Variants in SMG6 observed in about 807,000 individuals in gnomAD.
The protein encoded by SMG6 is SMG6 nonsense mediated mRNA decay factor.
A neutral mutation model predicts 142.2 loss-of-function variants in SMG6; 66 were observed. That is an observed-to-expected ratio of 0.46 (90% CI 0.38 to 0.57). The LOEUF (loss-of-function observed/expected upper bound fraction) is 0.57. Among genes scored for constraint, SMG6 ranks in the 20% least tolerant of loss-of-function variants. The pLI is 0.00. For synonymous variants in SMG6, 779 were observed against 702.4 expected (o/e 1.11, Z -1.72); for missense variants, 1,793 against 1,832.0 (o/e 0.98, Z 0.39).
chr17:2,133,480 C>T (rs2070191324), intron 13 of SMG6, among the ~76,000 whole-genome samples: 1 of 152,138 alleles, frequency 6.6e-6, no homozygotes, highest in Non-Finnish European at 1.5e-5. Context: ...TAGTTACCTC[C>T]CAATCCAGTC....
rs771359614 is a variant in SMG6, at chr17:2,068,941, CAG to C, written c.3682-12_3682-11del. 4.3e-6 allele frequency: 7 copies of C among 1,613,300 alleles called. No homozygotes were observed. Among genetic ancestry groups the C allele is most frequent in the Admixed American group, 1.7e-5 (1 of 59,970 alleles). ...GGTCCTCCAGGACAGCCTATGGGGACAGAGTGGTGAATGAGCCAGACAGCGAG... is the reference window on the plus strand; with the variant it reads ...GGTCCTCCAGGACAGCCTATGGGGACAGTGGTGAATGAGCCAGACAGCGAG... On this transcript the variant is annotated splice_polypyrimidine_tract_variant and intron_variant, in intron 15 of 18. Coordinates refer to ENST00000263073, the MANE Select transcript of SMG6 (RefSeq NM_017575.5). The surrounding 1 kb of genome is among the most constrained non-coding windows in gnomAD (Gnocchi z 6.7).
chr17:2,111,280 G>A (rs2069308566), intron 13 of SMG6, among the ~76,000 whole-genome samples: 1 of 152,172 alleles, frequency 6.6e-6, no homozygotes, highest in Admixed American at 6.5e-5. Context: ...GGGTAAGGGA[G>A]ACAGAGAGCG....
intron 15 of SMG6, among the ~76,000 whole-genome samples, chr17:2,075,170 C>G (rs1236506927): frequency 6.6e-6 from 1 of 152,212 alleles, no homozygotes; most frequent in Non-Finnish European, 1.5e-5. Context: ...AGCTTCCATA[C>G]AGGTGTGGGG....
chr17:2,289,140 T>C (rs1263419834), intron 6 of SMG6, among the ~76,000 whole-genome samples: 1 of 150,580 alleles, frequency 6.6e-6, no homozygotes. Flanking sequence ...GTTGCATCTA[T>C]TTGGGGGGCT....
intron 13 of SMG6, among the ~76,000 whole-genome samples, chr17:2,107,024 C>T (rs2019872): frequency 0.89 from 135,521 of 152,180 alleles, 60,624 homozygotes; most frequent in African/African-American, 0.97. Flanking sequence ...TTTAGTATTT[C>T]AGTACTTAGT....
At chr17:2,109,823 G>A (rs2069259006) in intron 13 of SMG6, among the ~76,000 whole-genome samples, 1 of 152,092 alleles carries the variant, frequency 6.6e-6, no homozygotes, top group Admixed American at 6.6e-5. Context: ...CAGACGCAGT[G>A]GCTCACACCT....
At chr17:2,276,288 A>G (rs987969806) in intron 8 of SMG6, among the ~76,000 whole-genome samples, 7 of 152,188 alleles carry the variant, frequency 4.6e-5, no homozygotes, top group African/African-American at 1.7e-4. Context: ...TACACAAAGC[A>G]TACACACGCA....
Position 2,068,675 on chromosome 17 carries a change from C to CG in SMG6, c.3835+102dup. On this transcript the variant is annotated intron_variant, in intron 16 of 18. Transcript: ENST00000263073. The surrounding 1 kb of genome is among the most constrained non-coding windows in gnomAD (Gnocchi z 6.7). Reference sequence around the variant, plus strand: ...TCCCCTGCAAATCCCATCTTACACACGCACAGCAGGGCTCTGCCTGCCTGG... The same window carrying CG: ...TCCCCTGCAAATCCCATCTTACACACGGCACAGCAGGGCTCTGCCTGCCTGG... 8.2e-7 allele frequency: 1 copy of CG among 1,223,564 alleles called. No individual in the cohort carries two copies. The highest frequency in any genetic ancestry group is 1.1e-6 in the Non-Finnish European group (1 of 880,102). 75.8% of individuals were successfully genotyped at this position (1,223,564 alleles called of 1,614,324 possible).
chr17:2,236,429 G>T (rs562580437), intron 10 of SMG6, 63 bp downstream of exon 10: 1 of 1,540,048 alleles, frequency 6.5e-7, no homozygotes, highest in Admixed American at 1.8e-5. Context: ...GGTAACACAA[G>T]AAAGAAGCTA....
chr17:2,069,916 A>G (rs1297685616), intron 15 of SMG6, among the ~76,000 whole-genome samples: 1 of 152,218 alleles, frequency 6.6e-6, no homozygotes, highest in African/African-American at 2.4e-5. Flanking sequence ...TGACTTTGTC[A>G]CTTTTTTTCT....
At chr17:2,278,759 A>G (rs559316796) in intron 8 of SMG6, among the ~76,000 whole-genome samples, 1 of 152,314 alleles carries the variant, frequency 6.6e-6, no homozygotes, top group Non-Finnish European at 1.5e-5. Context: ...TAAAAATATC[A>G]CATGTAGCCC....
At position 2,292,953 on chromosome 17, in the gene SMG6, G is replaced by A; in HGVS notation, c.2176C>T (p.Gln726Ter). ...KTVKYALISA[Q>*]RCMICQGDIA... ...TCTCCTTGGCATATCATGCATCGCT[G>A]GGCACTGATCAAGGCATATTTTACC... is the stretch of plus-strand genomic sequence containing the variant. The change falls in exon 5 of 19, where the codon CAG (glutamine) becomes TAG (stop). Residue 726 changes from glutamine to a stop codon, truncating the protein, a stop_gained. Transcript: ENST00000263073. LOFTEE classifies it high-confidence loss of function. 6.2e-7 allele frequency: 1 copy of A among 1,613,996 alleles called. No individual in the cohort carries two copies. The highest frequency in any genetic ancestry group is 8.5e-7 in the Non-Finnish European group (1 of 1,179,892).
chr17:2,282,562 G>A (rs1229370563), intron 8 of SMG6, 85 bp downstream of exon 8: 1 of 1,331,750 alleles, frequency 7.5e-7, no homozygotes, highest in African/African-American at 1.4e-5. Context: ...TCAGTGGGAA[G>A]TATCTGTGCC....
chr17:2,254,583 C>T (rs1392646438), intron 8 of SMG6, among the ~76,000 whole-genome samples: 1 of 152,160 alleles, frequency 6.6e-6, no homozygotes, highest in Non-Finnish European at 1.5e-5. Context: ...GATCTGCCCA[C>T]CTCGGGCTCC....
chr17:2,248,674 C>G (rs568729226), intron 8 of SMG6, among the ~76,000 whole-genome samples: 76 of 152,180 alleles, frequency 5.0e-4, no homozygotes, highest in Non-Finnish European at 2.9e-5. Context: ...TGAGAACCAC[C>G]GCTTTATTTT....
intron 15 of SMG6, among the ~76,000 whole-genome samples, chr17:2,078,263 G>C (rs146725849): frequency 6.6e-6 from 1 of 152,292 alleles, no homozygotes; most frequent in Non-Finnish European, 1.5e-5. Context: ...ACAGAGAGGA[G>C]AAGAGGGAAT....
intron 10 of SMG6, among the ~76,000 whole-genome samples, chr17:2,209,967 C>T (rs1348119699): frequency 1.3e-5 from 2 of 152,166 alleles, no homozygotes; most frequent in African/African-American, 4.8e-5. Flanking sequence ...TTCACTGAGA[C>T]TTGATCTCAG....
chr17:2,287,547 T>G (rs1438613059), intron 6 of SMG6, among the ~76,000 whole-genome samples: 1 of 152,160 alleles, frequency 6.6e-6, no homozygotes, highest in Non-Finnish European at 1.5e-5. Flanking sequence ...TTTCTGGGTA[T>G]GTACCCAGAA....
chr17:2,075,600 T>C (rs1352581903), intron 15 of SMG6, among the ~76,000 whole-genome samples: 8 of 152,098 alleles, frequency 5.3e-5, no homozygotes, highest in Admixed American at 5.2e-4. Flanking sequence ...TGGAGGAGCA[T>C]TTTCAGTGAC....
Sources: gnomAD v4.1 joint callset for allele counts (sites outside exome capture counted in the v4.1 genomes callset) on GRCh38, gnomAD v4.1.1 for gene constraint, Gnocchi (gnomAD v3.1) non-coding constraint, MANE v1.5 for transcripts, NCBI Gene and HGNC (gene_info 2026-07-23, HGNC 2026-07-21) for gene names.